Variants in SLC29A3 observed in about 807,000 individuals in gnomAD.
The protein encoded by SLC29A3 is equilibrative nucleoside transporter 3.
SLC29A3 carries 18 observed loss-of-function variants against 25.4 expected under a neutral mutation model. The ratio of observed to expected loss-of-function variants is 0.71; its 90% CI spans 0.49 to 1.05. The LOEUF (loss-of-function observed/expected upper bound fraction) is 1.05. SLC29A3 is among the 50% of genes least tolerant of loss of function. The pLI is 0.00. For synonymous variants in SLC29A3, 258 were observed against 267.1 expected, an observed-to-expected ratio of 0.97 and a Z score of 0.33; for missense variants, 586 against 609.0, an observed-to-expected ratio of 0.96 and a Z score of 0.40.
At chr10:71,367,686 C>T (rs1193906514), downstream of SLC29A3, among the ~76,000 whole-genome samples, 1 of 152,188 alleles carries the variant, frequency 6.6e-6, no homozygotes, top group Non-Finnish European at 1.5e-5. Flanking sequence ...AGGAGAGTGA[C>T]AAAGGTAGCC....
rs1258007503 is a variant in SLC29A3 at position 71,326,117 on chromosome 10, A to G, written c.300+3063A>G. On this transcript the variant is annotated intron_variant, in intron 2 of 5. Coordinates refer to ENST00000373189, the MANE Select transcript of SLC29A3 (RefSeq NM_018344.6). ...GTATTTTTGGTAGAGACAGGGTCTC[A>G]CTATGTTGCCCAGGCTGGTCTCAAA... Among the ~76,000 whole-genome samples the G allele has an allele frequency of 2.0e-5, 3 of 151,968 alleles. No individual in the cohort carries two copies. The East Asian group carries it at 5.8e-4, about 29-fold the overall frequency.
intron 4 of SLC29A3, among the ~76,000 whole-genome samples, chr10:71,353,050 A>AT: frequency 6.6e-6 from 1 of 152,312 alleles, no homozygotes; most frequent in Non-Finnish European, 1.5e-5. Context: ...TGACAAGGGT[A>AT]TGTCCCTTCC....
At chr10:71,370,823 T>C (rs1242330046) in intron 3 of SLC29A3, among the ~76,000 whole-genome samples, 1 of 152,164 alleles carries the variant, frequency 6.6e-6, no homozygotes, top group Non-Finnish European at 1.5e-5. Context: ...ATTTTCAGGG[T>C]ACATATGATA....
downstream of SLC29A3, chr10:71,365,633 C>T (rs780687): frequency 0.87 from 132,773 of 152,036 alleles, 58,487 homozygotes; most frequent in Middle Eastern, 0.93. Flanking sequence ...CCTTAGTGGG[C>T]ACTTCACAGA....
intron 5 of SLC29A3, among the ~76,000 whole-genome samples, chr10:71,361,665 G>A (rs572767659): frequency 1.3e-5 from 2 of 152,286 alleles, no homozygotes; most frequent in African/African-American, 4.8e-5. Context: ...AAAAACAGGT[G>A]AGCCAGGACA....
chr10:71,377,277 C>T (rs1370813711), intron 4 of SLC29A3, among the ~76,000 whole-genome samples: 2 of 152,224 alleles, frequency 1.3e-5, no homozygotes, highest in Non-Finnish European at 1.5e-5. Context: ...TGGGCTGAGG[C>T]TACCTGGAGA....
chr10:71,377,450 C>G (rs1489995264), intron 4 of SLC29A3, among the ~76,000 whole-genome samples: 2 of 152,174 alleles, frequency 1.3e-5, no homozygotes, highest in Non-Finnish European at 2.9e-5. Flanking sequence ...CTCTGGCAGG[C>G]AAACAGCCAC....
At chr10:71,342,921 G>A (rs1846450424) in intron 2 of SLC29A3, among the ~76,000 whole-genome samples, 1 of 152,234 alleles carries the variant, frequency 6.6e-6, no homozygotes, top group African/African-American at 2.4e-5. Flanking sequence ...CACTCTGCAG[G>A]CTTCAAAGGG....
intron 2 of SLC29A3, among the ~76,000 whole-genome samples, chr10:71,333,348 G>A (rs1846164887): frequency 6.6e-6 from 1 of 152,242 alleles, no homozygotes; most frequent in Admixed American, 6.5e-5. Flanking sequence ...ATGTGCCTGT[G>A]TTTCTGTGCA....
At position 71,363,019 on chromosome 10, in the gene SLC29A3, A is replaced by G. The variant is rs1343662713; in HGVS notation, c.*411A>G. On this transcript the variant is annotated 3_prime_UTR_variant, in exon 6 of 6. Transcript: ENST00000373189. ...CTCATTCCAGCTGACAGCGAGATGC[A>G]AGCAAATGCTCAGCTCTCCTTACCC... 1 of 461,200 alleles carries G rather than the reference A, an allele frequency of 2.2e-6. No homozygotes were observed. The highest frequency in any genetic ancestry group is 6.8e-5 in the East Asian group (1 of 14,642). 28.6% of individuals were successfully genotyped at this position (461,200 alleles called of 1,614,324 possible). A position where few individuals can be genotyped will look rare whatever the true frequency, so the allele number is the denominator to read the frequency against.
chr10:71,353,277 T>A (rs1846810655), intron 4 of SLC29A3, among the ~76,000 whole-genome samples: 1 of 152,214 alleles, frequency 6.6e-6, no homozygotes. Context: ...GACTTGTTGC[T>A]AAGTTTCCTG....
In SLC29A3 at chr10:71,362,072, C is replaced by A. The variant is rs1847071213; in HGVS notation, c.892C>A (p.Leu298Ile). ...ATTCATTGATTCCCACACACCCCCT[C>A]TCCGCCCCATCCTGAAGAAGACGGC... is the stretch of plus-strand genomic sequence containing the variant. ...SRFIDSHTPPLRPILKKTASL... is the reference protein window; with the variant it reads ...SRFIDSHTPPIRPILKKTASL... The change falls in exon 6 of 6, where the codon CTC (leucine) becomes ATC (isoleucine). Residue 298 changes from leucine to isoleucine, a missense_variant. Coordinates refer to ENST00000373189, the MANE Select transcript of SLC29A3 (RefSeq NM_018344.6). 1 of 1,614,046 alleles carries A rather than the reference C, an allele frequency of 6.2e-7. No homozygotes were observed. The highest frequency in any genetic ancestry group is 1.3e-5 in the African/African-American group (1 of 74,910).
chr10:71,377,094 G>A (rs1847258110), intron 4 of SLC29A3, among the ~76,000 whole-genome samples: 2 of 152,228 alleles, frequency 1.3e-5, no homozygotes, highest in South Asian at 4.1e-4. Context: ...ACTTGGCCCA[G>A]TGTCACAGAG....
chr10:71,327,168 A>G (rs1157012403), intron 2 of SLC29A3, among the ~76,000 whole-genome samples: 1 of 152,126 alleles, frequency 6.6e-6, no homozygotes, highest in African/African-American at 2.4e-5. Context: ...GATGGATGCC[A>G]TTTGATGGGG....
At position 71,356,235 on chromosome 10, in the gene SLC29A3, G is replaced by A. The variant is rs1305552084; in HGVS notation, c.765G>A (p.Glu255=). 1.2e-6 allele frequency: 2 copies of A among 1,613,470 alleles called. No individual in the cohort carries two copies. The highest frequency in any genetic ancestry group is 2.2e-5 in the East Asian group (1 of 44,894). ...MGLYLLLSRL[E]YARYYMRPVL... Reference sequence around the variant, plus strand: ...TCTACCTGCTGCTGTCCAGGCTGGAGTATGCCAGGTGAAGGTGCCACTCAC... The same window carrying A: ...TCTACCTGCTGCTGTCCAGGCTGGAATATGCCAGGTGAAGGTGCCACTCAC... Residue 255 remains glutamate (E), a synonymous_variant, in exon 5 of 6, where the codon GAG becomes GAA. Transcript: ENST00000373189.
chr10:71,357,948 CT>C (rs1285356615), intron 5 of SLC29A3, among the ~76,000 whole-genome samples: 1 of 152,240 alleles, frequency 6.6e-6, no homozygotes, highest in Non-Finnish European at 1.5e-5. Flanking sequence ...AGATCTGCCC[CT>C]GATGCGGCCC....
intron 4 of SLC29A3, among the ~76,000 whole-genome samples, chr10:71,376,964 C>T (rs531418816): frequency 1.3e-5 from 2 of 151,934 alleles, no homozygotes; most frequent in South Asian, 4.2e-4. Flanking sequence ...TTAGTAGAGG[C>T]GAGGTTTCAC....
chr10:71,326,862 C>G (rs997651037), intron 2 of SLC29A3, among the ~76,000 whole-genome samples: 3 of 152,222 alleles, frequency 2.0e-5, no homozygotes, highest in African/African-American at 7.2e-5. Flanking sequence ...AGACCTGTCA[C>G]CCCTCGATTC....
downstream of SLC29A3, chr10:71,364,493 A>G (rs2131854671): frequency 6.6e-6 from 1 of 152,328 alleles, no homozygotes; most frequent in Admixed American, 6.5e-5. Flanking sequence ...ACAGCATGGC[A>G]CGGGAATCAG....
Sources: gnomAD v4.1 joint callset for allele counts (sites outside exome capture counted in the v4.1 genomes callset) on GRCh38, gnomAD v4.1.1 for gene constraint, MANE v1.5 for transcripts, NCBI Gene and HGNC (gene_info 2026-07-23, HGNC 2026-07-21) for gene names.